The following DOCK4 variants were observed in gnomAD, a reference collection of about 807,000 sequenced individuals.
The protein encoded by DOCK4 is dedicator of cytokinesis 4, also known as dedicator of cytokinesis protein 4.
In DOCK4, 97 loss-of-function variants were observed where a neutral mutation model predicts 268.1. That is an observed-to-expected ratio of 0.36 (90% CI 0.31 to 0.43). The LOEUF is 0.43. Ranked by LOEUF, DOCK4 falls within the 20% of genes least tolerant of loss-of-function variation. The pLI, the probability that DOCK4 is intolerant of heterozygous loss-of-function variation, is 1.00. For synonymous variants in DOCK4, 954 were observed against 887.2 expected (o/e 1.08, Z -1.34); for missense variants, 2,145 against 2,455.7 (o/e 0.87, Z 2.67).
In DOCK4 at chr7:112,027,708, T is replaced by C. The variant is rs1488241787; in HGVS notation, c.38-23577A>G. On this transcript the variant is annotated intron_variant, in intron 1 of 52. Transcript: ENST00000428084. Reference sequence around the variant, plus strand: ...ACTGGGCTGCATCAAAGAGCTTTGATTGTATGGAGCCATCAAGGCACAGGC... The same window carrying C: ...ACTGGGCTGCATCAAAGAGCTTTGACTGTATGGAGCCATCAAGGCACAGGC... Among the ~76,000 whole-genome samples the C allele has an allele frequency of 2.0e-5, 3 of 152,216 alleles. No homozygotes were observed. In the East Asian group the frequency reaches 5.8e-4, roughly 29 times the overall value.
At chr7:112,073,190 G>C (rs978065039) in intron 1 of DOCK4, among the ~76,000 whole-genome samples, 1 of 151,998 alleles carries the variant, frequency 6.6e-6, no homozygotes, top group Non-Finnish European at 1.5e-5. Flanking sequence ...CTCTCATTTT[G>C]TCTATGTCCC....
chr7:111,840,478 T>C lies in DOCK4; in HGVS notation c.2736+4285A>G, dbSNP rs181955722. Among the ~76,000 whole-genome samples the C allele has an allele frequency of 2.0e-5, 3 of 152,250 alleles. No homozygotes were observed. The East Asian group carries it at 5.8e-4, about 29-fold the overall frequency. On this transcript the variant is annotated intron_variant, in intron 25 of 52. Coordinates refer to ENST00000428084, the MANE Select transcript of DOCK4 (RefSeq NM_001363540.2). Reference sequence around the variant, plus strand: ...ATTCATACTGCTTTATAAAATCTGCTTCTACCTATAATTAGACTTTTGAAA... The same window carrying C: ...ATTCATACTGCTTTATAAAATCTGCCTCTACCTATAATTAGACTTTTGAAA...
rs398047987 is a variant in DOCK4, at chr7:111,901,332, C to CAAA, written c.1317+342_1317+344dup. On this transcript the variant is annotated intron_variant, in intron 14 of 52. Transcript: ENST00000428084. ...CTGGTGACAGAATAAGATTCTGTCT[C>CAAA]AAAAAAAAAAAAAAAAAAAAAAAGC... Among the ~76,000 whole-genome samples, 751 of 75,186 alleles carry CAAA rather than the reference C, an allele frequency of 1.0e-2. 23 individuals carry two copies. Among genetic ancestry groups the CAAA allele is most frequent in the African/African-American group, 0.034 (697 of 20,578 alleles). 49.3% of individuals were successfully genotyped at this position (75,186 alleles called of 152,430 possible).
intron 12 of DOCK4, among the ~76,000 whole-genome samples, chr7:111,919,513 T>C (rs1792920394): frequency 6.6e-6 from 1 of 152,172 alleles, no homozygotes; most frequent in South Asian, 2.1e-4. Flanking sequence ...GGATGCATAC[T>C]AAAAGTTTGA....
chr7:111,913,600 G>A (rs1347033737), intron 13 of DOCK4, among the ~76,000 whole-genome samples: 6 of 151,024 alleles, frequency 4.0e-5, no homozygotes, highest in African/African-American at 7.3e-5. Context: ...TAGTAGAGAT[G>A]GGGTTTCACC....
intron 1 of DOCK4, among the ~76,000 whole-genome samples, chr7:112,146,680 C>T (rs886592212): frequency 2.0e-5 from 3 of 152,150 alleles, no homozygotes; most frequent in Non-Finnish European, 4.4e-5. Context: ...ATGCAGTGAG[C>T]CCTGATGGCA....
At chr7:111,964,220 C>T (rs1426569971) in intron 8 of DOCK4, among the ~76,000 whole-genome samples, 1 of 128,570 alleles carries the variant, frequency 7.8e-6, no homozygotes, top group Non-Finnish European at 1.6e-5. Flanking sequence ...ATGATTTTGA[C>T]GAGCTGAGAG....
chr7:112,115,194 G>GAATC (rs1339893110), intron 1 of DOCK4, among the ~76,000 whole-genome samples: 4 of 152,158 alleles, frequency 2.6e-5, no homozygotes, highest in Admixed American at 2.6e-4. Flanking sequence ...CTGCGTAAAA[G>GAATC]AATCACCTGG....
chr7:111,749,490 G>T lies in DOCK4; in HGVS notation c.4417-2047C>A, dbSNP rs543109208. ...ACACATAAAAATGGTTACAATAGTA[G>T]GTTTTATGTGCTTTTGGCTATAAGA... is the stretch of plus-strand genomic sequence containing the variant. On this transcript the variant is annotated intron_variant, in intron 42 of 52. Transcript: ENST00000428084. Among the ~76,000 whole-genome samples the T allele has an allele frequency of 2.6e-5, 4 of 152,130 alleles. No individual in the cohort carries two copies. In the East Asian group the frequency reaches 7.7e-4, roughly 29 times the overall value.
chr7:112,121,925 G>A (rs1224776226), intron 1 of DOCK4, among the ~76,000 whole-genome samples: 1 of 152,056 alleles, frequency 6.6e-6, no homozygotes, highest in Non-Finnish European at 1.5e-5. Flanking sequence ...ATATAGTATA[G>A]AATTCTATAT....
At chr7:111,994,448 G>A (rs1364965337) in intron 4 of DOCK4, among the ~76,000 whole-genome samples, 5 of 152,154 alleles carry the variant, frequency 3.3e-5, no homozygotes, top group Admixed American at 6.5e-5. Context: ...GATCAAGTTT[G>A]AGCAGCGTGG....
At chr7:111,793,073 C>T (rs1799661121) in intron 30 of DOCK4, among the ~76,000 whole-genome samples, 1 of 152,182 alleles carries the variant, frequency 6.6e-6, no homozygotes, top group African/African-American at 2.4e-5. Context: ...TATCCAGCAT[C>T]AAGAAGAGTT....
rs181011132 is a variant in DOCK4, at chr7:112,145,289, C to T, written c.37+60813G>A. ...AGGCTGAGATCCATGAACCACATCC[C>T]TAAGCAAAGCTTTGTTGTAACTTGC... On this transcript the variant is annotated intron_variant, in intron 1 of 52. Transcript: ENST00000428084. Among the ~76,000 whole-genome samples, 381 of 152,300 alleles carry T rather than the reference C, an allele frequency of 2.5e-3. 1 individual carries two copies. The highest frequency in any genetic ancestry group is 8.5e-3 in the African/African-American group (355 of 41,566).
chr7:112,157,350 T>C (rs900867914), intron 1 of DOCK4, among the ~76,000 whole-genome samples: 6 of 152,098 alleles, frequency 3.9e-5, no homozygotes, highest in Non-Finnish European at 5.9e-5. Context: ...CTTCCTGCCC[T>C]GGACATGGTA....
intron 1 of DOCK4, among the ~76,000 whole-genome samples, chr7:112,012,285 A>C (rs1241448599): frequency 6.6e-6 from 1 of 152,092 alleles, no homozygotes; most frequent in Non-Finnish European, 1.5e-5. Flanking sequence ...AGACAGACGC[A>C]GGCTTAAGAA....
In DOCK4 at chr7:111,741,578, A is replaced by G. The variant is rs1795920092; in HGVS notation, c.4881T>C (p.Ser1627=). 3 of 1,613,630 alleles carry G rather than the reference A, an allele frequency of 1.9e-6. No individual in the cohort carries two copies. The highest frequency in any genetic ancestry group is 1.1e-5 in the South Asian group (1 of 90,960). ...TTACCCTGGTACCATCTGGGCTCACAGAAGCAGGTGCTGAGTTTCTACACA... is the reference window on the plus strand; with the variant it reads ...TTACCCTGGTACCATCTGGGCTCACGGAAGCAGGTGCTGAGTTTCTACACA... ...PRVCRNSAPA[S]VSPDGTRVIP... Residue 1627 remains serine (S), a synonymous_variant, in exon 46 of 53, where the codon TCT becomes TCC. Transcript: ENST00000428084.
chr7:111,774,786 G>A (rs1019131130), intron 36 of DOCK4, among the ~76,000 whole-genome samples: 2 of 152,184 alleles, frequency 1.3e-5, no homozygotes, highest in African/African-American at 4.8e-5. Flanking sequence ...GATATCTAGG[G>A]AAGGAGTTGG....
At chr7:111,900,234 TG>T in intron 15 of DOCK4, 139 bp downstream of exon 15, 1 of 1,106,842 alleles carries the variant, frequency 9.0e-7, no homozygotes, top group Non-Finnish European at 1.3e-6. Flanking sequence ...CTCCCCTTTC[TG>T]GCTAATCTTT....
intron 16 of DOCK4, among the ~76,000 whole-genome samples, chr7:111,878,536 G>A (rs997067958): frequency 4.6e-5 from 7 of 152,112 alleles, no homozygotes; most frequent in Admixed American, 3.3e-4. Flanking sequence ...TCATATCCCT[G>A]AAAAAGGTAT....
Sources: allele counts gnomAD v4.1 joint callset (sites outside exome capture counted in the v4.1 genomes callset), GRCh38; gene constraint gnomAD v4.1.1; transcripts MANE v1.5; gene names NCBI Gene and HGNC (gene_info 2026-07-23, HGNC 2026-07-21).